The following CDH13 variants were observed in gnomAD, a reference collection of about 807,000 sequenced individuals.
CDH13 encodes cadherin-13.
CDH13 carries 24 observed loss-of-function variants against 63.8 expected under a neutral mutation model. That is an observed-to-expected ratio of 0.38 (90% CI 0.27 to 0.53). The LOEUF (loss-of-function observed/expected upper bound fraction) is 0.53, where lower values mean the gene tolerates loss of function less well. Ranked by LOEUF, CDH13 falls within the 20% of genes least tolerant of loss-of-function variation. The pLI, the probability that CDH13 is intolerant of heterozygous loss-of-function variation, is 0.85. For synonymous variants in CDH13, 503 were observed against 355.3 expected (o/e 1.42, Z -4.67); for missense variants, 1,049 against 903.1 (o/e 1.16, Z -2.07).
In CDH13 at chr16:82,786,399, T is replaced by C. The variant is rs1330111612; in HGVS notation, c.46-71963T>C. Among the ~76,000 whole-genome samples the C allele has an allele frequency of 2.6e-5, 4 of 151,892 alleles. No homozygotes were observed. In the East Asian group the frequency reaches 7.7e-4, roughly 29 times the overall value. ...AAAGTGTCTATGCCAGAGGGCTTAC[T>C]TGCAATGATCCTTTGATCCTCCAAA... is the stretch of plus-strand genomic sequence containing the variant. On this transcript the variant is annotated intron_variant, in intron 1 of 13. Coordinates refer to ENST00000567109, the MANE Select transcript of CDH13 (RefSeq NM_001257.5).
chr16:82,933,362 A>G (rs776619674), intron 2 of CDH13, among the ~76,000 whole-genome samples: 1 of 152,126 alleles, frequency 6.6e-6, no homozygotes, highest in Non-Finnish European at 1.5e-5. Context: ...CTCATTCACT[A>G]TCATGAGAAC....
chr16:83,731,841 G>A (rs1191559483), intron 10 of CDH13, among the ~76,000 whole-genome samples: 1 of 152,170 alleles, frequency 6.6e-6, no homozygotes, highest in African/African-American at 2.4e-5. Flanking sequence ...AATGTAAAAT[G>A]AGCAAAATTC....
intron 7 of CDH13, among the ~76,000 whole-genome samples, chr16:83,490,828 C>T (rs900013007): frequency 6.6e-6 from 1 of 152,240 alleles, no homozygotes; most frequent in Non-Finnish European, 1.5e-5. Context: ...TTCCCCAAGA[C>T]ATGTGCGTTT....
intron 5 of CDH13, among the ~76,000 whole-genome samples, chr16:83,308,916 C>T (rs558161452): frequency 6.6e-6 from 1 of 152,172 alleles, no homozygotes; most frequent in Non-Finnish European, 1.5e-5. Flanking sequence ...TTCGGGAAGC[C>T]TCCAAAGAAT....
At chr16:83,636,138 C>T (rs1270721155) in intron 8 of CDH13, among the ~76,000 whole-genome samples, 1 of 151,654 alleles carries the variant, frequency 6.6e-6, no homozygotes, top group Non-Finnish European at 1.5e-5. Flanking sequence ...TGTATTTGTG[C>T]AGGTCTATTC....
At chr16:83,617,941 A>G (rs1331714693) in intron 8 of CDH13, among the ~76,000 whole-genome samples, 1 of 152,228 alleles carries the variant, frequency 6.6e-6, no homozygotes. Context: ...ATAATTATTT[A>G]ATTGCTTATT....
intron 6 of CDH13, among the ~76,000 whole-genome samples, chr16:83,417,072 G>T (rs542934351): frequency 6.6e-6 from 1 of 152,288 alleles, no homozygotes; most frequent in Non-Finnish European, 1.5e-5. Context: ...TCATGGGAAT[G>T]ATCCTATGAG....
At chr16:83,662,737 C>T (rs544630655) in intron 8 of CDH13, among the ~76,000 whole-genome samples, 3 of 152,176 alleles carry the variant, frequency 2.0e-5, no homozygotes, top group Non-Finnish European at 4.4e-5. Context: ...GGACCACTCA[C>T]CTGATGAGAT....
intron 1 of CDH13, among the ~76,000 whole-genome samples, chr16:82,738,223 TA>T (rs1291952201): frequency 2.6e-5 from 4 of 151,996 alleles, no homozygotes; most frequent in African/African-American, 4.8e-5. Flanking sequence ...GAAATAGCAA[TA>T]AAAAAAATCA....
intron 13 of CDH13, among the ~76,000 whole-genome samples, chr16:83,793,212 C>A (rs1916388350): frequency 6.6e-6 from 1 of 152,146 alleles, no homozygotes; most frequent in Non-Finnish European, 1.5e-5. Context: ...AACTCTTAGT[C>A]CTGGGCTGGA....
At chr16:83,173,761 A>C (rs1461264692) in intron 4 of CDH13, among the ~76,000 whole-genome samples, 2 of 152,104 alleles carry the variant, frequency 1.3e-5, no homozygotes, top group East Asian at 3.9e-4. Context: ...CTCTTTCTTT[A>C]GGAAACAAAC....
chr16:83,290,710 A>G (rs367759854), intron 5 of CDH13, among the ~76,000 whole-genome samples: 1 of 152,258 alleles, frequency 6.6e-6, no homozygotes, highest in Non-Finnish European at 1.5e-5. Flanking sequence ...GCGGAAGAAA[A>G]CTAGACCTCT....
At chr16:83,206,000 C>T (rs186621268) in intron 4 of CDH13, among the ~76,000 whole-genome samples, 2 of 152,242 alleles carry the variant, frequency 1.3e-5, no homozygotes, top group Non-Finnish European at 2.9e-5. Context: ...CAGGCATAGA[C>T]TGAGCTCTTA....
intron 3 of CDH13, among the ~76,000 whole-genome samples, chr16:83,119,477 A>G (rs1254547457): frequency 6.6e-6 from 1 of 152,126 alleles, no homozygotes; most frequent in Non-Finnish European, 1.5e-5. Flanking sequence ...GCCTTTGCCC[A>G]CTTGGTAATG....
intron 6 of CDH13, among the ~76,000 whole-genome samples, chr16:83,444,881 G>A (rs1826713825): frequency 2.5e-5 from 1 of 40,360 alleles, no homozygotes. Context: ...TTCCTCTGAT[G>A]AAGGGGGAGT....
chr16:83,630,793 T>C (rs1910712021), intron 8 of CDH13, among the ~76,000 whole-genome samples: 1 of 152,192 alleles, frequency 6.6e-6, no homozygotes, highest in South Asian at 2.1e-4. Context: ...CACAAGGAAT[T>C]TCCTTGCAGG....
At chr16:83,684,856 C>T (rs1362558745) in intron 10 of CDH13, among the ~76,000 whole-genome samples, 1 of 152,112 alleles carries the variant, frequency 6.6e-6, no homozygotes, top group Non-Finnish European at 1.5e-5. Context: ...TTCAAAATGA[C>T]AGTGGCTCAG....
intron 2 of CDH13, among the ~76,000 whole-genome samples, chr16:82,988,511 C>G (rs1408225482): frequency 1.3e-5 from 2 of 152,034 alleles, no homozygotes; most frequent in East Asian, 1.9e-4. Context: ...CATGTAATCC[C>G]AGCAGTTTGG....
intron 7 of CDH13, among the ~76,000 whole-genome samples, chr16:83,590,431 T>A (rs1906621349): frequency 6.6e-6 from 1 of 152,106 alleles, no homozygotes; most frequent in Non-Finnish European, 1.5e-5. Context: ...AGGGGCCGGC[T>A]GGAGATGATC....
Sources: gnomAD v4.1 joint callset for allele counts (sites outside exome capture counted in the v4.1 genomes callset) on GRCh38, gnomAD v4.1.1 for gene constraint, MANE v1.5 for transcripts, NCBI Gene and HGNC (gene_info 2026-07-23, HGNC 2026-07-21) for gene names.